The following PKD2L1 variants were observed in gnomAD, a reference collection of about 807,000 sequenced individuals.
The protein encoded by PKD2L1 is polycystin 2 like 1, transient receptor potential cation channel, also known as polycystin-2-like protein 1.
Under a neutral mutation model 93.0 loss-of-function variants are expected in PKD2L1, and 77 were observed. That is an observed-to-expected ratio of 0.83 (90% confidence interval 0.69 to 1.00). PKD2L1 has a LOEUF of 1.00. PKD2L1 is among the 50% of genes least tolerant of loss of function. The pLI, the probability that PKD2L1 is intolerant of heterozygous loss-of-function variation, is 0.00. For missense variants in PKD2L1, 977 were observed against 990.9 expected (o/e 0.99, Z 0.19); for synonymous variants, 390 against 388.0 (o/e 1.01, Z -0.06).
chr10:100,323,149 T>C (rs1275935616), intron 2 of PKD2L1, among the ~76,000 whole-genome samples: 1 of 152,270 alleles, frequency 6.6e-6, no homozygotes, highest in Admixed American at 6.5e-5. Flanking sequence ...AAAGGTCTGA[T>C]GTCACTTAAA....
At chr10:100,324,391 A>G (rs946022495) in intron 2 of PKD2L1, among the ~76,000 whole-genome samples, 1 of 152,222 alleles carries the variant, frequency 6.6e-6, no homozygotes, top group Admixed American at 6.5e-5. Flanking sequence ...CATACAGAGT[A>G]GTTTCACTGC....
At chr10:100,329,816 G>T in intron 1 of PKD2L1, 53 bp downstream of exon 1, 74 of 1,164,394 alleles carry the variant, frequency 6.4e-5, no homozygotes, top group Non-Finnish European at 8.5e-5. Flanking sequence ...AAAAGCTTTT[G>T]GTGACTCCTC....
At chr10:100,321,688 A>G (rs1361764290) in intron 2 of PKD2L1, among the ~76,000 whole-genome samples, 1 of 1,454 alleles carries the variant, frequency 6.9e-4, no homozygotes, top group Non-Finnish European at 1.7e-3. Context: ...AGAAAGAAAG[A>G]AAGAAAGAAA....
chr10:100,322,666 C>T (rs1218805793), intron 2 of PKD2L1, among the ~76,000 whole-genome samples: 2 of 152,050 alleles, frequency 1.3e-5, no homozygotes, highest in African/African-American at 4.8e-5. Context: ...TTTAAATACA[C>T]CAATAAAAAG....
chr10:100,322,659 A>G (rs1009436552), intron 2 of PKD2L1, among the ~76,000 whole-genome samples: 1 of 152,246 alleles, frequency 6.6e-6, no homozygotes, highest in Admixed American at 6.5e-5. Flanking sequence ...ATCATCTTTT[A>G]AATACACCAA....
At chr10:100,305,120 T>C (rs1470654561) in intron 2 of PKD2L1, among the ~76,000 whole-genome samples, 1 of 151,670 alleles carries the variant, frequency 6.6e-6, no homozygotes, top group Non-Finnish European at 1.5e-5. Flanking sequence ...TTGTCTTTTT[T>C]TTTTTTTTTG....
chr10:100,292,487 T>C lies in PKD2L1; in HGVS notation c.1880+461A>G, dbSNP rs945504268. Among the ~76,000 whole-genome samples, 66 of 146,712 alleles carry C rather than the reference T, an allele frequency of 4.5e-4. 3 individuals carry two copies. Among genetic ancestry groups the C allele is most frequent in the Non-Finnish European group, 7.4e-5 (5 of 67,806 alleles). ...CAGCCTGGGCAACAGAGCAGGACTT[T>C]GTCTCAAAAAAAAAAAAAAAATTAT... On this transcript the variant is annotated intron_variant, in intron 11 of 15. Coordinates refer to ENST00000318222, the MANE Select transcript of PKD2L1 (RefSeq NM_016112.3).
chr10:100,318,726 A>T (rs186345430), intron 2 of PKD2L1, among the ~76,000 whole-genome samples: 3 of 151,192 alleles, frequency 2.0e-5, no homozygotes, highest in Admixed American at 6.6e-5. Flanking sequence ...TCACCGTGTT[A>T]GCCAGGATGG....
intron 2 of PKD2L1, among the ~76,000 whole-genome samples, chr10:100,317,803 G>A (rs970927109): frequency 2.0e-5 from 3 of 152,070 alleles, no homozygotes; most frequent in South Asian, 2.1e-4. Context: ...TGCTGTGGCC[G>A]GGCATGGTGC....
rs1382069440 is a variant in PKD2L1, at chr10:100,329,244, C to T, written c.316G>A (p.Val106Ile). Residue 106 changes from valine (V) to isoleucine (I), a missense_variant, in exon 2 of 16, where the codon GTA (valine) becomes ATA (isoleucine). Physicochemically the swap from Val to Ile is conservative, Grantham distance 29. Coordinates refer to ENST00000318222, the MANE Select transcript of PKD2L1 (RefSeq NM_016112.3). ...YIKTTLRELL[V>I]YIVFLVDICL... Reference sequence around the variant, plus strand: ...ATGTCCACCAGGAACACAATATATACCAACAGCTCCCTCAGGGTGGTCTTG... The same window carrying T: ...ATGTCCACCAGGAACACAATATATATCAACAGCTCCCTCAGGGTGGTCTTG... 3 of 1,613,962 alleles carry T rather than the reference C, an allele frequency of 1.9e-6. No homozygotes were observed. Among genetic ancestry groups the T allele is most frequent in the South Asian group, 1.1e-5 (1 of 91,086 alleles).
At chr10:100,298,901 C>T in intron 3 of PKD2L1, 86 bp from the exon 4 acceptor site, 1 of 1,232,960 alleles carries the variant, frequency 8.1e-7, no homozygotes, top group South Asian at 1.8e-5. Flanking sequence ...CCTCTGACTC[C>T]CCAGCTTGTC....
chr10:100,313,843 C>G (rs576869408), intron 2 of PKD2L1, among the ~76,000 whole-genome samples: 1 of 152,288 alleles, frequency 6.6e-6, no homozygotes, highest in African/African-American at 2.4e-5. Context: ...TTTACGCAGA[C>G]AGATTTGGTC....
At chr10:100,302,747 T>C (rs1014229701) in intron 2 of PKD2L1, among the ~76,000 whole-genome samples, 2 of 151,908 alleles carry the variant, frequency 1.3e-5, no homozygotes, top group African/African-American at 4.8e-5. Flanking sequence ...TTTGACTTGA[T>C]ATAAATGTTC....
chr10:100,288,897 G>A lies in PKD2L1; in HGVS notation c.2335+75C>T, dbSNP rs927583967. The A allele has an allele frequency of 6.8e-6, 6 of 878,694 alleles. No homozygotes were observed. The Admixed American group carries it at 7.9e-5, about 12-fold the overall frequency. 54.4% of individuals were successfully genotyped at this position (878,694 alleles called of 1,614,324 possible). A position where few individuals can be genotyped will look rare whatever the true frequency, so the allele number is the denominator to read the frequency against. ...GACCTGTTGTCCTAGAAGTGCAGGG[G>A]ATGTGGCGAGGGGGCCTGTGCGGAG... On this transcript the variant is annotated intron_variant, in intron 15 of 15. Coordinates refer to ENST00000318222, the MANE Select transcript of PKD2L1 (RefSeq NM_016112.3).
At chr10:100,298,947 A>G (rs1848616348) in intron 3 of PKD2L1, 132 bp from the exon 4 acceptor site, 3 of 620,392 alleles carry the variant, frequency 4.8e-6, no homozygotes, top group African/African-American at 1.9e-5. Context: ...TGTTATTATT[A>G]TTATTATTAT....
chr10:100,289,738 A>T (rs1168854796), intron 14 of PKD2L1, among the ~76,000 whole-genome samples: 1 of 152,080 alleles, frequency 6.6e-6, no homozygotes, highest in Non-Finnish European at 1.5e-5. Context: ...TGTGTTGCTT[A>T]TAAGCCACCC....
At chr10:100,327,117 C>G (rs180835652) in intron 2 of PKD2L1, among the ~76,000 whole-genome samples, 9 of 152,208 alleles carry the variant, frequency 5.9e-5, no homozygotes, top group Admixed American at 5.9e-4. Flanking sequence ...TTTCTCAGTC[C>G]AACGTCTGGC....
chr10:100,329,390 A>T (rs1849453644), intron 1 of PKD2L1, 66 bp from the exon 2 acceptor site: 1 of 1,611,514 alleles, frequency 6.2e-7, no homozygotes, highest in African/African-American at 1.3e-5. Context: ...ATCCCCACCC[A>T]TCTGTCTCTG....
chr10:100,301,872 G>T (rs535780551), intron 2 of PKD2L1, among the ~76,000 whole-genome samples: 1 of 152,152 alleles, frequency 6.6e-6, no homozygotes, highest in Non-Finnish European at 1.5e-5. Context: ...CTTCTGTCAC[G>T]GCTTCAGCAG....
Sources: allele counts gnomAD v4.1 joint callset (sites outside exome capture counted in the v4.1 genomes callset), GRCh38; gene constraint gnomAD v4.1.1; transcripts MANE v1.5; gene names NCBI Gene and HGNC (gene_info 2026-07-23, HGNC 2026-07-21).